Variants in RAB4A observed in about 807,000 individuals in gnomAD.
RAB4A encodes RAB4A, member RAS oncogene family, also known as ras-related protein Rab-4A.
In RAB4A, 20 loss-of-function variants were observed where a neutral mutation model predicts 34.5. That is an observed-to-expected ratio of 0.58 (90% CI 0.41 to 0.84). The LOEUF is 0.84. Ranked by LOEUF, RAB4A falls within the 40% of genes least tolerant of loss-of-function variation. The pLI is 0.00. For synonymous variants in RAB4A, 102 were observed against 100.0 expected, an observed-to-expected ratio of 1.02 and a Z score of -0.12; for missense variants, 228 against 274.5, an observed-to-expected ratio of 0.83 and a Z score of 1.20.
At chr1:229,294,265 G>C (rs775444085) in intron 3 of RAB4A, among the ~76,000 whole-genome samples, 31 of 152,170 alleles carry the variant, frequency 2.0e-4, no homozygotes, top group Admixed American at 9.8e-4. Context: ...AATTTGAGTC[G>C]AATGTTAAGA....
At chr1:229,296,988 C>T (rs1017545106) in intron 4 of RAB4A, among the ~76,000 whole-genome samples, 5 of 151,986 alleles carry the variant, frequency 3.3e-5, no homozygotes, top group Non-Finnish European at 5.9e-5. Context: ...CCTAGGGCAA[C>T]GTAATTAATC....
intron 4 of RAB4A, among the ~76,000 whole-genome samples, chr1:229,297,240 A>G (rs749601487): frequency 2.4e-4 from 37 of 152,262 alleles, no homozygotes; most frequent in African/African-American, 6.8e-4. Flanking sequence ...CTTTTGCCCC[A>G]TGACTGGGCA....
chr1:229,302,933 C>A lies in RAB4A; in HGVS notation c.613C>A (p.Pro205Thr). 1.2e-6 allele frequency: 2 copies of A among 1,613,960 alleles called. No individual in the cohort carries two copies. The highest frequency in any genetic ancestry group is 1.7e-6 in the Non-Finnish European group (2 of 1,179,918). The change falls in exon 7 of 8, where the codon CCG becomes ACG. Residue 205 changes from proline to threonine, a missense_variant. Physicochemically the swap from Pro to Thr is conservative, Grantham distance 38. Coordinates refer to ENST00000366690, the MANE Select transcript of RAB4A (RefSeq NM_004578.4). ...GDAALRQLRS[P>T]RRAQAPNAQE... is the part of the protein sequence containing the mutation. ...TGCTGCCTTGAGACAGCTGAGGTCA[C>A]CGCGGCGCGCACAGGCCCCGAACGC...
At chr1:229,303,058 G>A (rs1417963964) in intron 7 of RAB4A, 69 bp downstream of exon 7, 3 of 1,130,574 alleles carry the variant, frequency 2.7e-6, no homozygotes, top group African/African-American at 1.5e-5. Context: ...TAAAGCTTTG[G>A]GAAGCTGCAG....
chr1:229,274,842 A>G (rs1461911634), intron 1 of RAB4A, among the ~76,000 whole-genome samples: 2 of 152,240 alleles, frequency 1.3e-5, no homozygotes, highest in African/African-American at 4.8e-5. Flanking sequence ...CTCTACATAT[A>G]TTAGAGTTTA....
intron 3 of RAB4A, among the ~76,000 whole-genome samples, chr1:229,290,064 A>AG (rs1657027797): frequency 6.6e-6 from 1 of 152,208 alleles, no homozygotes; most frequent in Non-Finnish European, 1.5e-5. Flanking sequence ...AAAGATAGGA[A>AG]GTAGATGGTG....
chr1:229,288,863 A>G lies in RAB4A; in HGVS notation c.227+20A>G. On this transcript the variant is annotated intron_variant, in intron 3 of 7. Transcript: ENST00000366690. ...ATTCAGGTAGCTTTTCTCTAACTTA[A>G]TAAAAATATTTGAAAATTTGATTTA... The G allele has an allele frequency of 7.4e-7, 1 of 1,351,076 alleles. No homozygotes were observed. Among genetic ancestry groups the G allele is most frequent in the Non-Finnish European group, 1.0e-6 (1 of 953,048 alleles). 83.7% of individuals were successfully genotyped at this position (1,351,076 alleles called of 1,614,324 possible). A position where few individuals can be genotyped will look rare whatever the true frequency, so the allele number is the denominator to read the frequency against.
At chr1:229,282,461 C>G (rs971945870) in intron 1 of RAB4A, among the ~76,000 whole-genome samples, 25 of 152,168 alleles carry the variant, frequency 1.6e-4, no homozygotes, top group Non-Finnish European at 2.5e-4. Context: ...CTTTTCAAAT[C>G]TGTAGATTTA....
intron 6 of RAB4A, among the ~76,000 whole-genome samples, chr1:229,300,740 G>A (rs991439919): frequency 2.6e-5 from 4 of 152,138 alleles, no homozygotes; most frequent in African/African-American, 4.8e-5. Context: ...TTGGGGAAGA[G>A]TTCCTGGCTG....
chr1:229,302,301 ATATATATATTTT>A (rs1461670695), intron 6 of RAB4A, among the ~76,000 whole-genome samples: 285 of 40,210 alleles, frequency 7.1e-3, no homozygotes, highest in East Asian at 0.011. Context: ...ATATATATAT[ATATATATATTTT>A]TTTTTTTTTT....
At chr1:229,286,886 A>G (rs1416484113) in intron 2 of RAB4A, among the ~76,000 whole-genome samples, 76 of 152,206 alleles carry the variant, frequency 5.0e-4, no homozygotes, top group Non-Finnish European at 1.3e-4. Flanking sequence ...AGCTCTAGGC[A>G]TACATTTTGG....
chr1:229,272,181 C>A (rs1312380278), intron 1 of RAB4A, among the ~76,000 whole-genome samples: 1 of 151,048 alleles, frequency 6.6e-6, no homozygotes, highest in African/African-American at 2.4e-5. Context: ...TACTTTGTAT[C>A]AGAGTTGAAT....
intron 7 of RAB4A, 141 bp downstream of exon 7, chr1:229,303,130 G>C (rs1213861647): frequency 5.0e-6 from 3 of 604,410 alleles, no homozygotes; most frequent in South Asian, 2.0e-5. Flanking sequence ...TTGGGAGGCT[G>C]AGGTGGGCCA....
intron 4 of RAB4A, among the ~76,000 whole-genome samples, chr1:229,296,202 G>T (rs1195342800): frequency 1.3e-5 from 2 of 152,206 alleles, no homozygotes; most frequent in Non-Finnish European, 2.9e-5. Context: ...CTTTCCTTAA[G>T]GTTCACAAAG....
chr1:229,286,586 T>A lies in RAB4A; in HGVS notation c.112+20T>A. ...AAAAATGTAAGTGTCATGAAATTAG[T>A]CATTCTTCCGTGCATGTCTTCTGAG... On this transcript the variant is annotated intron_variant, in intron 2 of 7. Coordinates refer to ENST00000366690, the MANE Select transcript of RAB4A (RefSeq NM_004578.4). The A allele has an allele frequency of 6.8e-7, 1 of 1,468,374 alleles. No individual in the cohort carries two copies. Among genetic ancestry groups the A allele is most frequent in the Non-Finnish European group, 9.3e-7 (1 of 1,072,698 alleles). The allele number at this position is 1,468,374 out of a possible 1,614,324, so 91.0% of individuals were successfully genotyped here. A position where few individuals can be genotyped will look rare whatever the true frequency, so the allele number is the denominator to read the frequency against.
intron 1 of RAB4A, among the ~76,000 whole-genome samples, chr1:229,275,676 A>C (rs1656624243): frequency 7.1e-6 from 1 of 141,496 alleles, no homozygotes; most frequent in Non-Finnish European, 1.5e-5. Context: ...GCTGGAGTGC[A>C]GTGGCACAAT....
At chr1:229,302,258 TA>T (rs1380248054) in intron 6 of RAB4A, among the ~76,000 whole-genome samples, 2 of 11,924 alleles carry the variant, frequency 1.7e-4, no homozygotes, top group African/African-American at 8.7e-4. Context: ...AGTAAATAAT[TA>T]TATATATATA....
At chr1:229,286,921 A>G (rs928366308) in intron 2 of RAB4A, among the ~76,000 whole-genome samples, 1 of 152,214 alleles carries the variant, frequency 6.6e-6, no homozygotes, top group Admixed American at 6.5e-5. Flanking sequence ...TTTGGTCCTC[A>G]TAGTGGGCTT....
chr1:229,305,203 G>A lies in RAB4A; in HGVS notation c.*1410G>A, dbSNP rs1558243557. 6.2e-7 allele frequency: 1 copy of A among 1,607,998 alleles called. No individual in the cohort carries two copies. Among genetic ancestry groups the A allele is most frequent in the Non-Finnish European group, 8.5e-7 (1 of 1,177,472 alleles). On this transcript the variant is annotated 3_prime_UTR_variant, in exon 8 of 8. Transcript: ENST00000366690. ...TTGAGTTTTGCTTTTTTTATGCCTTGAATATTTTATTTCAAAAAGTATCTG... is the reference window on the plus strand; with the variant it reads ...TTGAGTTTTGCTTTTTTTATGCCTTAAATATTTTATTTCAAAAAGTATCTG...
Sources: gnomAD v4.1 joint callset for allele counts (sites outside exome capture counted in the v4.1 genomes callset) on GRCh38, gnomAD v4.1.1 for gene constraint, MANE v1.5 for transcripts, NCBI Gene and HGNC (gene_info 2026-07-23, HGNC 2026-07-21) for gene names.